The following ZNF423 variants were observed in gnomAD, a reference collection of about 807,000 sequenced individuals.
ZNF423 encodes the protein zinc finger protein 423, also known as Ebf-associated zinc finger protein.
In ZNF423, 12 loss-of-function variants were observed where a neutral mutation model predicts 95.8. The observed-to-expected ratio is 0.13, with a 90% CI of 0.08 to 0.20. ZNF423 has a LOEUF of 0.20. ZNF423 is among the 10% of genes least tolerant of loss of function. The pLI is 1.00. For missense variants in ZNF423, 1,316 were observed against 1,737.1 expected (o/e 0.76, Z 4.31); for synonymous variants, 749 against 711.9 (o/e 1.05, Z -0.83).
At chr16:49,756,090 T>G (rs957470401) in intron 2 of ZNF423, among the ~76,000 whole-genome samples, 8 of 151,618 alleles carry the variant, frequency 5.3e-5, no homozygotes, top group Admixed American at 2.0e-4. Flanking sequence ...GGTTTGTGAG[T>G]GAGGGAGGGG....
chr16:49,551,822 C>T (rs1969650946), intron 5 of ZNF423, among the ~76,000 whole-genome samples: 1 of 152,146 alleles, frequency 6.6e-6, no homozygotes, highest in Non-Finnish European at 1.5e-5. Flanking sequence ...AGTGGAACAG[C>T]CAGGAAGGCA....
chr16:49,700,079 C>T (rs566048568), intron 3 of ZNF423, among the ~76,000 whole-genome samples: 2 of 151,800 alleles, frequency 1.3e-5, no homozygotes, highest in East Asian at 3.9e-4. Flanking sequence ...AAATCCAGGC[C>T]TCCTTGATCA....
intron 5 of ZNF423, among the ~76,000 whole-genome samples, chr16:49,583,563 A>G (rs1047015983): frequency 1.3e-5 from 2 of 152,244 alleles, no homozygotes; most frequent in African/African-American, 4.8e-5. Context: ...AGTACTAATG[A>G]CTATGCATAT....
At chr16:49,726,981 G>A (rs968988099) in intron 3 of ZNF423, among the ~76,000 whole-genome samples, 3 of 151,722 alleles carry the variant, frequency 2.0e-5, no homozygotes, top group African/African-American at 4.8e-5. Context: ...CCAAGCATGC[G>A]AACGTGTGGC....
intron 5 of ZNF423, among the ~76,000 whole-genome samples, chr16:49,584,177 A>T (rs1970751233): frequency 2.0e-5 from 3 of 152,206 alleles, no homozygotes; most frequent in Non-Finnish European, 4.4e-5. Context: ...TGGTTGGTGC[A>T]AGGGTGTAAG....
chr16:49,800,235 C>A (rs2034561169), intron 1 of ZNF423, among the ~76,000 whole-genome samples: 1 of 149,702 alleles, frequency 6.7e-6, no homozygotes, highest in Non-Finnish European at 1.5e-5. Flanking sequence ...CAGAATGAGG[C>A]TCTGTCTCAA....
chr16:49,713,259 T>A (rs575586922), intron 3 of ZNF423, among the ~76,000 whole-genome samples: 2 of 152,306 alleles, frequency 1.3e-5, no homozygotes, highest in Admixed American at 6.5e-5. Context: ...CACAGGAAAC[T>A]GCTATAAACT....
chr16:49,850,343 T>C (rs563346261), intron 1 of ZNF423, among the ~76,000 whole-genome samples: 10 of 152,346 alleles, frequency 6.6e-5, no homozygotes, highest in African/African-American at 2.4e-4. Flanking sequence ...CCCGCTAACA[T>C]GTCCATGCAC....
intron 1 of ZNF423, among the ~76,000 whole-genome samples, chr16:49,797,610 C>G (rs1325151857): frequency 2.0e-5 from 3 of 152,214 alleles, no homozygotes; most frequent in Non-Finnish European, 4.4e-5. Context: ...GCAGCTAAAG[C>G]TAAAACCACC....
chr16:49,724,937 G>A (rs2032968274), intron 3 of ZNF423, among the ~76,000 whole-genome samples: 1 of 152,082 alleles, frequency 6.6e-6, no homozygotes. Context: ...TGGAAGTTGA[G>A]CATTCAAAAA....
intron 3 of ZNF423, among the ~76,000 whole-genome samples, chr16:49,651,499 TCTGTGTTTGC>T (rs1356934208): frequency 6.6e-6 from 1 of 152,090 alleles, no homozygotes; most frequent in African/African-American, 2.4e-5. Context: ...CTTGGAGACA[TCTGTGTTTGC>T]CTGGTGGCTG....
intron 3 of ZNF423, among the ~76,000 whole-genome samples, chr16:49,698,795 G>A (rs1330182684): frequency 6.6e-6 from 1 of 152,196 alleles, no homozygotes. Context: ...CCCGGCCGCC[G>A]GAGCCGCCTG....
chr16:49,514,438 G>C (rs1354109662), intron 7 of ZNF423, among the ~76,000 whole-genome samples: 5 of 152,098 alleles, frequency 3.3e-5, no homozygotes, highest in African/African-American at 7.2e-5. Flanking sequence ...GTGGTGCCGG[G>C]AGTAGGTACT....
intron 5 of ZNF423, among the ~76,000 whole-genome samples, chr16:49,570,798 G>A (rs560175731): frequency 7.2e-5 from 11 of 152,346 alleles, no homozygotes; most frequent in East Asian, 5.8e-4. Context: ...AAAGAGAGTC[G>A]TGATACCAGG....
chr16:49,777,505 C>G (rs540081523), intron 2 of ZNF423, among the ~76,000 whole-genome samples: 1 of 152,208 alleles, frequency 6.6e-6, no homozygotes, highest in Non-Finnish European at 1.5e-5. Flanking sequence ...AAAGAGCACT[C>G]ACAGGTTTTT....
At chr16:49,837,020 G>A (rs1053023565) in intron 1 of ZNF423, among the ~76,000 whole-genome samples, 2 of 152,210 alleles carry the variant, frequency 1.3e-5, no homozygotes, top group South Asian at 2.1e-4. Context: ...AAAGTGGACT[G>A]TGGACGCCGG....
intron 5 of ZNF423, among the ~76,000 whole-genome samples, chr16:49,573,763 T>C (rs1040607267): frequency 6.6e-5 from 10 of 152,346 alleles, no homozygotes; most frequent in East Asian, 1.9e-4. Context: ...TTCAGAAAGA[T>C]AGTCCAACAG....
chr16:49,780,209 C>G (rs758253980), intron 2 of ZNF423, among the ~76,000 whole-genome samples: 1 of 152,242 alleles, frequency 6.6e-6, no homozygotes, highest in Non-Finnish European at 1.5e-5. Flanking sequence ...CATGTATGCA[C>G]AGGCTCTGCA....
intron 5 of ZNF423, among the ~76,000 whole-genome samples, chr16:49,535,631 T>C (rs12929839): frequency 0.17 from 26,577 of 152,080 alleles, 2,550 homozygotes; most frequent in African/African-American, 0.22. Flanking sequence ...CTTGGAGTTC[T>C]ATACAACTCA....
Sources: allele counts gnomAD v4.1 joint callset (sites outside exome capture counted in the v4.1 genomes callset), GRCh38; gene constraint gnomAD v4.1.1; transcripts MANE v1.5; gene names NCBI Gene and HGNC (gene_info 2026-07-23, HGNC 2026-07-21).